Variants in IQCJ observed in about 807,000 individuals in gnomAD.
IQCJ encodes IQ motif containing J.
In IQCJ, 9 loss-of-function variants were observed where a neutral mutation model predicts 11.0. The observed-to-expected ratio is 0.82, with a 90% CI of 0.49 to 1.43. The LOEUF (loss-of-function observed/expected upper bound fraction) is 1.43, where lower values mean the gene tolerates loss of function less well. IQCJ is among the 40% of genes most tolerant of loss of function. The pLI, the probability that IQCJ is intolerant of heterozygous loss-of-function variation, is 0.00. For synonymous variants in IQCJ, 55 were observed against 51.3 expected (o/e 1.07, Z -0.31); for missense variants, 146 against 133.2 (o/e 1.10, Z -0.47).
Position 159,263,388 on chromosome 3 carries a change from A to T in IQCJ, c.*657A>T. ...GACCACAATTGACCTACAGGCCACC[A>T]GTTTAAGAAATCTGAGATAGAGAGT... On this transcript the variant is annotated 3_prime_UTR_variant, in exon 4 of 4. Transcript: ENST00000397832. 1.0e-6 allele frequency: 1 copy of T among 954,892 alleles called. No homozygotes were observed. The highest frequency in any genetic ancestry group is 1.2e-6 in the Non-Finnish European group (1 of 802,080). 59.2% of individuals were successfully genotyped at this position (954,892 alleles called of 1,614,324 possible).
At chr3:159,093,680 T>A (rs983405744) in intron 1 of IQCJ, among the ~76,000 whole-genome samples, 4 of 151,856 alleles carry the variant, frequency 2.6e-5, no homozygotes, top group Admixed American at 6.6e-5. Context: ...GAAAGAGGTT[T>A]AATTGACTCA....
chr3:159,159,837 T>C (rs60777582), intron 1 of IQCJ, among the ~76,000 whole-genome samples: 4,385 of 151,992 alleles, frequency 0.029, 204 homozygotes, highest in African/African-American at 0.1. Flanking sequence ...CTCTCTCTCT[T>C]TCTGTCTCTC....
intron 1 of IQCJ, among the ~76,000 whole-genome samples, chr3:159,210,802 C>T (rs1724911264): frequency 6.6e-6 from 1 of 152,174 alleles, no homozygotes; most frequent in Non-Finnish European, 1.5e-5. Flanking sequence ...TCCTGAGTAG[C>T]TGGATTACAG....
intron 1 of IQCJ, among the ~76,000 whole-genome samples, chr3:159,116,914 C>T (rs1257579838): frequency 6.6e-6 from 1 of 151,440 alleles, no homozygotes; most frequent in African/African-American, 2.4e-5. Flanking sequence ...GCTACCAGCC[C>T]CTGAGAAAGA....
chr3:159,131,657 C>T (rs1719997655), intron 1 of IQCJ, among the ~76,000 whole-genome samples: 1 of 152,074 alleles, frequency 6.6e-6, no homozygotes, highest in Non-Finnish European at 1.5e-5. Context: ...CTCACCATCC[C>T]TTACTAGTTC....
chr3:159,169,104 T>A lies in IQCJ; in HGVS notation c.10-76739T>A, dbSNP rs541444601. Among the ~76,000 whole-genome samples, 6 of 152,252 alleles carry A rather than the reference T, an allele frequency of 3.9e-5. No homozygotes were observed. The East Asian group carries it at 1.2e-3, about 29-fold the overall frequency. ...TCATTTAATTGTCATTTTGACTCTA[T>A]AAAGGAGATACTATTGGTATTCCTT... On this transcript the variant is annotated intron_variant, in intron 1 of 3. Coordinates refer to ENST00000397832, the MANE Select transcript of IQCJ (RefSeq NM_001042706.3).
chr3:159,184,576 AAC>A (rs1382130251), intron 1 of IQCJ, among the ~76,000 whole-genome samples: 1 of 152,210 alleles, frequency 6.6e-6, no homozygotes, highest in Non-Finnish European at 1.5e-5. Flanking sequence ...ACAATAGTCT[AAC>A]ACACAGGAGA....
intron 1 of IQCJ, among the ~76,000 whole-genome samples, chr3:159,086,101 T>A (rs1057198316): frequency 3.9e-5 from 6 of 152,222 alleles, no homozygotes; most frequent in Admixed American, 1.3e-4. Context: ...GTATAAGGTG[T>A]AAAGAAGGGA....
intron 1 of IQCJ, among the ~76,000 whole-genome samples, chr3:159,162,625 A>G (rs1721929807): frequency 6.6e-6 from 1 of 152,224 alleles, no homozygotes; most frequent in South Asian, 2.1e-4. Context: ...AAAATTAATG[A>G]ATCCAGGAGC....
In IQCJ at chr3:159,200,104, AAT is replaced by A. The variant is rs539820364; in HGVS notation, c.10-45724_10-45723del. 6.9e-3 allele frequency among the ~76,000 whole-genome samples: 800 copies of A among 116,772 alleles called. 33 individuals are homozygous for A. The highest frequency in any genetic ancestry group is 0.05 in the Admixed American group (608 of 12,212). The allele number at this position is 116,772 out of a possible 152,430, so 76.6% of individuals were successfully genotyped here. A position where few individuals can be genotyped will look rare whatever the true frequency, so the allele number is the denominator to read the frequency against. On this transcript the variant is annotated intron_variant, in intron 1 of 3. Transcript: ENST00000397832. Reference sequence around the variant, plus strand: ...ATATGTATGTATGTGTTTATACATAAATATATATATATATATCACTTTGAACA... The same window carrying A: ...ATATGTATGTATGTGTTTATACATAAATATATATATATATCACTTTGAACA...
intron 1 of IQCJ, among the ~76,000 whole-genome samples, chr3:159,144,237 T>A (rs1720790799): frequency 6.6e-6 from 1 of 152,208 alleles, no homozygotes; most frequent in South Asian, 2.1e-4. Flanking sequence ...GAACATTTAT[T>A]CAGTTGCAGA....
intron 1 of IQCJ, among the ~76,000 whole-genome samples, chr3:159,202,908 C>T (rs1291096114): frequency 4.6e-5 from 7 of 152,066 alleles, no homozygotes; most frequent in Non-Finnish European, 2.9e-5. Flanking sequence ...GAGGGAGCCA[C>T]CTCAGTCAGC....
chr3:159,185,647 A>T (rs1723332380), intron 1 of IQCJ, among the ~76,000 whole-genome samples: 1 of 152,190 alleles, frequency 6.6e-6, no homozygotes, highest in African/African-American at 2.4e-5. Context: ...AGGCTTGAAG[A>T]TCCACTTTCA....
At chr3:159,161,494 G>C (rs181200455) in intron 1 of IQCJ, among the ~76,000 whole-genome samples, 1 of 152,288 alleles carries the variant, frequency 6.6e-6, no homozygotes, top group African/African-American at 2.4e-5. Flanking sequence ...TGCTCACTCT[G>C]ATGGTAGTTT....
At chr3:159,168,713 T>C (rs979708691) in intron 1 of IQCJ, among the ~76,000 whole-genome samples, 1 of 152,140 alleles carries the variant, frequency 6.6e-6, no homozygotes, top group Admixed American at 6.5e-5. Flanking sequence ...TGATGATGAG[T>C]ACTAGTATAG....
At position 159,245,988 on chromosome 3, in the gene IQCJ, T is replaced by G; in HGVS notation, c.74+81T>G. 3 of 1,105,738 alleles carry G rather than the reference T, an allele frequency of 2.7e-6. No homozygotes were observed. In the Admixed American group the frequency reaches 7.1e-5, roughly 26 times the overall value. 68.5% of individuals were successfully genotyped at this position (1,105,738 alleles called of 1,614,324 possible). On this transcript the variant is annotated intron_variant, in intron 2 of 3. Transcript: ENST00000397832. ...AGAAAATCTTTCTGGTAAAAATAAG[T>G]AAGTAAATTGGACAGTTTCTTATGT...
At chr3:159,136,754 T>C (rs1313873782) in intron 1 of IQCJ, among the ~76,000 whole-genome samples, 1 of 152,152 alleles carries the variant, frequency 6.6e-6, no homozygotes, top group East Asian at 1.9e-4. Context: ...AGGTCTCACC[T>C]CCTAATACCA....
chr3:159,210,174 C>T (rs986140987), intron 1 of IQCJ, among the ~76,000 whole-genome samples: 3 of 152,104 alleles, frequency 2.0e-5, no homozygotes, highest in Non-Finnish European at 4.4e-5. Context: ...AGGAGTGCCT[C>T]GTCTGTAGGG....
chr3:159,070,892 A>G (rs921324723), intron 1 of IQCJ, among the ~76,000 whole-genome samples: 6 of 152,030 alleles, frequency 3.9e-5, no homozygotes, highest in Non-Finnish European at 2.9e-5. Context: ...AAGATGATGT[A>G]GTAAATAGGT....
Sources: gnomAD v4.1 joint callset for allele counts (sites outside exome capture counted in the v4.1 genomes callset) on GRCh38, gnomAD v4.1.1 for gene constraint, MANE v1.5 for transcripts, NCBI Gene and HGNC (gene_info 2026-07-23, HGNC 2026-07-21) for gene names.